LOXHD1: variants seen among roughly 807,000 people sequenced by gnomAD.
The protein encoded by LOXHD1 is lipoxygenase homology PLAT domains 1, also known as lipoxygenase homology domain-containing protein 1.
LOXHD1 carries 205 observed loss-of-function variants against 248.2 expected under a neutral mutation model. The observed-to-expected ratio is 0.83, with a 90% CI of 0.74 to 0.93. The LOEUF is 0.93. LOXHD1 is among the 40% of genes least tolerant of loss of function. The pLI is 0.00. For synonymous variants in LOXHD1, 1,113 were observed against 1,162.8 expected, an observed-to-expected ratio of 0.96 and a Z score of 0.87; for missense variants, 2,930 against 2,971.6, an observed-to-expected ratio of 0.99 and a Z score of 0.33.
Position 46,642,005 on chromosome 18 carries a change from C to T in LOXHD1, c.277G>A (p.Asp93Asn), listed in dbSNP as rs747038125. ...SKSAFEKGNV[D>N]VFRVRTNNVG... is the part of the protein sequence containing the mutation. ...TTGTTGGTTCTCACCCGGAACACAT[C>T]GACGTTGCCCTTCTCAAAGGCAGAC... is the stretch of plus-strand genomic sequence containing the variant. The change falls in exon 3 of 41, where the codon GAT becomes AAT. Residue 93 changes from aspartate (D) to asparagine (N), a missense_variant. Asp to Asn is a conservative substitution (Grantham distance 23, BLOSUM62 1). Transcript: ENST00000642948. 13 of 1,552,238 alleles carry T rather than the reference C, an allele frequency of 8.4e-6. No homozygotes were observed. The East Asian group carries it at 1.2e-4, about 15-fold the overall frequency.
intron 21 of LOXHD1, among the ~76,000 whole-genome samples, chr18:46,553,728 G>A (rs1237705960): frequency 1.3e-5 from 2 of 152,166 alleles, no homozygotes; most frequent in East Asian, 1.9e-4. Flanking sequence ...CAAGCTTTTT[G>A]TAGGTCAGAT....
intron 37 of LOXHD1, among the ~76,000 whole-genome samples, chr18:46,496,798 T>A (rs2143752502): frequency 1.3e-5 from 2 of 151,888 alleles, no homozygotes; most frequent in East Asian, 3.9e-4. Context: ...AGGTCAGGAG[T>A]TTGAGTCCAG....
chr18:46,613,344 A>G (rs544971860), intron 5 of LOXHD1, among the ~76,000 whole-genome samples: 36 of 152,244 alleles, frequency 2.4e-4, no homozygotes, highest in African/African-American at 7.9e-4. Flanking sequence ...TGCTAATGCA[A>G]ATAATATATT....
At chr18:46,618,076 C>T (rs1185638874) in intron 5 of LOXHD1, 116 bp downstream of exon 5, 2 of 693,910 alleles carry the variant, frequency 2.9e-6, no homozygotes, top group Admixed American at 2.5e-5. Flanking sequence ...GTGAGATGCT[C>T]AATAGAGGAG....
chr18:46,488,156 G>T (rs1189369211), intron 38 of LOXHD1, among the ~76,000 whole-genome samples: 3 of 152,204 alleles, frequency 2.0e-5, no homozygotes. Flanking sequence ...GGCTTCAAGA[G>T]TGGGAGCATA....
chr18:46,494,497 G>A (rs547439505), intron 37 of LOXHD1, among the ~76,000 whole-genome samples: 3 of 152,318 alleles, frequency 2.0e-5, no homozygotes, highest in African/African-American at 7.2e-5. Flanking sequence ...ATGGTTTGAA[G>A]TAAGATATGG....
At chr18:46,649,495 T>C (rs1002198135) in intron 1 of LOXHD1, among the ~76,000 whole-genome samples, 20 of 152,186 alleles carry the variant, frequency 1.3e-4, no homozygotes, top group Admixed American at 6.5e-5. Context: ...ACGAGGAGGC[T>C]GAGGGCAAGA....
intron 10 of LOXHD1, 145 bp from the exon 11 acceptor site, chr18:46,592,729 C>T: frequency 1.5e-6 from 1 of 673,156 alleles, no homozygotes; most frequent in Non-Finnish European, 2.6e-6. Flanking sequence ...GCCACCCTCA[C>T]ATATTTTATC....
chr18:46,527,609 T>C (rs2035883197), intron 29 of LOXHD1, among the ~76,000 whole-genome samples: 1 of 152,228 alleles, frequency 6.6e-6, no homozygotes, highest in South Asian at 2.1e-4. Flanking sequence ...TCTGGGGACC[T>C]GATAAATAAT....
intron 34 of LOXHD1, among the ~76,000 whole-genome samples, chr18:46,516,981 CAGA>C (rs2035287668): frequency 6.6e-6 from 1 of 152,252 alleles, no homozygotes; most frequent in East Asian, 1.9e-4. Context: ...CACCCCAATC[CAGA>C]AGTATTGAGT....
intron 10 of LOXHD1, 138 bp from the exon 11 acceptor site, chr18:46,592,722 A>G (rs1487796488): frequency 5.7e-6 from 4 of 700,878 alleles, no homozygotes; most frequent in African/African-American, 1.8e-5. Flanking sequence ...CAATCAAGCC[A>G]CCCTCACATA....
intron 34 of LOXHD1, among the ~76,000 whole-genome samples, chr18:46,511,743 A>T (rs530739580): frequency 4.1e-4 from 62 of 152,304 alleles, no homozygotes; most frequent in African/African-American, 1.4e-3. Flanking sequence ...TCTAAAGCCC[A>T]CCACGCTGGG....
intron 2 of LOXHD1, among the ~76,000 whole-genome samples, chr18:46,646,839 G>C (rs924789141): frequency 3.3e-5 from 5 of 152,218 alleles, no homozygotes; most frequent in African/African-American, 7.2e-5. Flanking sequence ...ACTGGCCTTT[G>C]CCGAGCTCTG....
intron 37 of LOXHD1, among the ~76,000 whole-genome samples, chr18:46,492,277 G>A (rs1209129790): frequency 1.3e-5 from 2 of 152,206 alleles, no homozygotes; most frequent in African/African-American, 4.8e-5. Context: ...AGATGTATTA[G>A]TTTGTTCTCA....
At chr18:46,542,927 T>C (rs1389716604) in intron 23 of LOXHD1, 72 bp from the exon 24 acceptor site, 2 of 1,534,476 alleles carry the variant, frequency 1.3e-6, no homozygotes, top group Non-Finnish European at 8.8e-7. Flanking sequence ...CCCAAACCTT[T>C]AATCCCTTTT....
At chr18:46,557,262 G>T in intron 21 of LOXHD1, 94 bp downstream of exon 21, 1 of 970,926 alleles carries the variant, frequency 1.0e-6, no homozygotes. Context: ...CGTCACAGCC[G>T]GCCCACCCCC....
chr18:46,524,946 T>C (rs774462075), intron 29 of LOXHD1, 29 bp from the exon 30 acceptor site: 20 of 1,550,660 alleles, frequency 1.3e-5, no homozygotes, highest in Admixed American at 2.0e-5. Context: ...GGGACTCATA[T>C]GGGGGTGTGC....
At chr18:46,522,710 G>T (rs1049332471) in intron 31 of LOXHD1, among the ~76,000 whole-genome samples, 4 of 152,172 alleles carry the variant, frequency 2.6e-5, no homozygotes, top group Non-Finnish European at 5.9e-5. Context: ...CAAAAGCAAG[G>T]TCTCATAGAA....
chr18:46,512,917 G>A (rs915939040), intron 34 of LOXHD1, among the ~76,000 whole-genome samples: 2 of 152,084 alleles, frequency 1.3e-5, no homozygotes, highest in African/African-American at 2.4e-5. Flanking sequence ...AACCTGATGC[G>A]GAGTGAAAGA....
Sources: gnomAD v4.1 joint callset for allele counts (sites outside exome capture counted in the v4.1 genomes callset) on GRCh38, gnomAD v4.1.1 for gene constraint, MANE v1.5 for transcripts, NCBI Gene and HGNC (gene_info 2026-07-23, HGNC 2026-07-21) for gene names.